Variants in PXK observed in about 807,000 individuals in gnomAD.
The protein encoded by PXK is PX domain-containing protein kinase-like protein.
PXK carries 35 observed loss-of-function variants against 84.7 expected under a neutral mutation model. The observed-to-expected ratio is 0.41, with a 90% CI of 0.32 to 0.55. PXK has a LOEUF of 0.55. PXK is among the 20% of genes least tolerant of loss of function. The pLI, the probability that PXK is intolerant of heterozygous loss-of-function variation, is 0.21. For synonymous variants in PXK, 253 were observed against 260.8 expected, an observed-to-expected ratio of 0.97 and a Z score of 0.29; for missense variants, 634 against 699.7, an observed-to-expected ratio of 0.91 and a Z score of 1.06.
Position 58,384,000 on chromosome 3 carries a change from C to G in PXK, c.388+1300C>G, listed in dbSNP as rs2098529258. Among the ~76,000 whole-genome samples the G allele has an allele frequency of 6.6e-6, 1 of 152,112 alleles. No homozygotes were observed. The highest frequency in any genetic ancestry group is 2.4e-5 in the African/African-American group (1 of 41,412). On this transcript the variant is annotated intron_variant, in intron 4 of 17. Coordinates refer to ENST00000356151, the MANE Select transcript of PXK (RefSeq NM_017771.5). The surrounding 1 kb of genome is among the most constrained non-coding windows in gnomAD (Gnocchi z 4.0). ...ACTTGGCAGGCACCAAGTTTTTCTC[C>G]ACAGTAGAATCACCTGGGGAGCGTT...
At chr3:58,352,406 A>G (rs2097950634) in intron 1 of PXK, among the ~76,000 whole-genome samples, 1 of 152,208 alleles carries the variant, frequency 6.6e-6, no homozygotes, top group African/African-American at 2.4e-5. Flanking sequence ...CCGAGTTTCT[A>G]TGTTGTTGTC....
intron 1 of PXK, among the ~76,000 whole-genome samples, chr3:58,353,682 C>G (rs1287117979): frequency 2.6e-5 from 4 of 152,168 alleles, no homozygotes; most frequent in Non-Finnish European, 5.9e-5. Flanking sequence ...CCTTGCTGTC[C>G]TCTAGGATGA....
intron 3 of PXK, among the ~76,000 whole-genome samples, chr3:58,376,935 C>T (rs544831694): frequency 1.5e-4 from 23 of 152,224 alleles, no homozygotes; most frequent in Admixed American, 5.2e-4. Context: ...CCACTGTGCC[C>T]GGCCTACCCT....
chr3:58,423,550 G>T, intron 17 of PXK: 3 of 1,531,920 alleles, frequency 2.0e-6, no homozygotes, highest in Non-Finnish European at 1.7e-6. Context: ...TTGGTGAAAA[G>T]GATGTACTTA....
rs2060268743 is a variant in PXK, at chr3:58,412,001, A to G, written c.1466-900A>G. Among the ~76,000 whole-genome samples the G allele has an allele frequency of 6.6e-6, 1 of 152,158 alleles. No homozygotes were observed. Among genetic ancestry groups the G allele is most frequent in the Non-Finnish European group, 1.5e-5 (1 of 68,028 alleles). ...AACATGTCCTGTGGGTAGTGAGGGA[A>G]GTGATGGCTGGGGCCTTAACCACAC... On this transcript the variant is annotated intron_variant, in intron 16 of 17. Transcript: ENST00000356151. The surrounding 1 kb of genome is among the most constrained non-coding windows in gnomAD (Gnocchi z 6.2).
Position 58,365,855 on chromosome 3 carries a change from C to T in PXK, c.103-19C>T. Reference sequence around the variant, plus strand: ...ACTCAGTTTTATAACTGAGGTTATTCTTCCCTTCTCTTTTTAAGGAATATA... The same window carrying T: ...ACTCAGTTTTATAACTGAGGTTATTTTTCCCTTCTCTTTTTAAGGAATATA... On this transcript the variant is annotated intron_variant, in intron 1 of 17. Transcript: ENST00000356151. 1 of 1,518,918 alleles carries T rather than the reference C, an allele frequency of 6.6e-7. No individual in the cohort carries two copies. The highest frequency in any genetic ancestry group is 8.8e-7 in the Non-Finnish European group (1 of 1,133,802). The allele number at this position is 1,518,918 out of a possible 1,614,324, so 94.1% of individuals were successfully genotyped here. A position where few individuals can be genotyped will look rare whatever the true frequency, so the allele number is the denominator to read the frequency against.
At chr3:58,344,398 G>A (rs1365296509) in intron 1 of PXK, among the ~76,000 whole-genome samples, 2 of 152,224 alleles carry the variant, frequency 1.3e-5, no homozygotes, top group Non-Finnish European at 2.9e-5. Flanking sequence ...ACACCTCCAA[G>A]AGTAGGTTTC....
rs1003755522 is a variant in PXK at position 58,409,816 on chromosome 3, A to C, written c.1395+198A>C. ...ATGATAATCAGCCGAGAAATAGCCCATGTAGTTTCCTAGCTTGCTGGGCAG... is the reference window on the plus strand; with the variant it reads ...ATGATAATCAGCCGAGAAATAGCCCCTGTAGTTTCCTAGCTTGCTGGGCAG... On this transcript the variant is annotated intron_variant, in intron 15 of 17. Transcript: ENST00000356151. The surrounding 1 kb of genome is among the most constrained non-coding windows in gnomAD (Gnocchi z 4.2). Among the ~76,000 whole-genome samples the C allele has an allele frequency of 1.2e-4, 19 of 152,066 alleles. No homozygotes were observed. The highest frequency in any genetic ancestry group is 4.6e-4 in the African/African-American group (19 of 41,398).
Position 58,398,817 on chromosome 3 carries a change from C to G in PXK, c.1103-482C>G, listed in dbSNP as rs2058126604. ...ACTATATTGTGTTGAATTTGAACCG[C>G]TGAAACTGAACAGTGACCTGTGGGT... On this transcript the variant is annotated intron_variant, in intron 11 of 17. Coordinates refer to ENST00000356151, the MANE Select transcript of PXK (RefSeq NM_017771.5). This position sits in a 1 kb window ranked among gnomAD's most constrained non-coding sequence, Gnocchi z 4.5. Among the ~76,000 whole-genome samples, 1 of 152,194 alleles carries G rather than the reference C, an allele frequency of 6.6e-6. No homozygotes were observed. The highest frequency in any genetic ancestry group is 2.1e-4 in the South Asian group (1 of 4,830).
intron 2 of PXK, 137 bp from the exon 3 acceptor site, chr3:58,369,294 G>C (rs532814694): frequency 1.4e-5 from 8 of 585,312 alleles, no homozygotes; most frequent in East Asian, 5.9e-5. Context: ...TTAAGCACCA[G>C]GTATAAGCCC....
chr3:58,336,400 T>C (rs1015283815), intron 1 of PXK, among the ~76,000 whole-genome samples: 1 of 152,158 alleles, frequency 6.6e-6, no homozygotes, highest in Non-Finnish European at 1.5e-5. Flanking sequence ...CTGATGCTGA[T>C]GCATCATTTT....
At chr3:58,406,451 A>G (rs2107498646) in intron 13 of PXK, among the ~76,000 whole-genome samples, 1 of 150,610 alleles carries the variant, frequency 6.6e-6, no homozygotes, top group African/African-American at 2.4e-5. Flanking sequence ...CTAATTTTTT[A>G]ATTTTTTTGT....
intron 1 of PXK, among the ~76,000 whole-genome samples, chr3:58,355,145 A>AAAG (rs1553755204): frequency 0.088 from 13,098 of 149,348 alleles, 686 homozygotes; most frequent in South Asian, 0.12. Context: ...AAAAAAAAAA[A>AAAG]AGAAAAAACA....
rs570580265 is a variant in PXK, at chr3:58,415,890, C to T, written c.1528+2927C>T. Among the ~76,000 whole-genome samples, 3 of 152,294 alleles carry T rather than the reference C, an allele frequency of 2.0e-5. No homozygotes were observed. The South Asian group carries it at 6.2e-4, about 32-fold the overall frequency. On this transcript the variant is annotated intron_variant, in intron 17 of 17. Coordinates refer to ENST00000356151, the MANE Select transcript of PXK (RefSeq NM_017771.5). ...CACCGAGGTTGCACATTGGTTTAAG[C>T]TTAAAAGGGCGGGACATCTTGGGGG...
At chr3:58,405,768 AT>A (rs2059305566) in intron 13 of PXK, among the ~76,000 whole-genome samples, 2 of 151,084 alleles carry the variant, frequency 1.3e-5, no homozygotes, top group African/African-American at 4.9e-5. Flanking sequence ...ACAGAGTGAG[AT>A]TCTGTCTCAA....
Position 58,391,239 on chromosome 3 carries a change from T to C in PXK, c.540+19T>C. On this transcript the variant is annotated intron_variant, in intron 6 of 17. Coordinates refer to ENST00000356151, the MANE Select transcript of PXK (RefSeq NM_017771.5). ...AAGCTGGGTAAGCTAGCTTTTTGCTTTGGTCTCCTTCAGTGACTTTAGATG... is the reference window on the plus strand; with the variant it reads ...AAGCTGGGTAAGCTAGCTTTTTGCTCTGGTCTCCTTCAGTGACTTTAGATG... 5.6e-6 allele frequency: 9 copies of C among 1,600,952 alleles called. No individual in the cohort carries two copies. In the South Asian group the frequency reaches 8.8e-5, roughly 16 times the overall value.
In PXK at chr3:58,333,046, C is replaced by T; in HGVS notation, c.58C>T (p.Leu20=). 1 of 1,347,256 alleles carries T rather than the reference C, an allele frequency of 7.4e-7. No homozygotes were observed. The highest frequency in any genetic ancestry group is 9.7e-7 in the Non-Finnish European group (1 of 1,035,252). The allele number at this position is 1,347,256 out of a possible 1,614,324, so 83.5% of individuals were successfully genotyped here. Reference sequence around the variant, plus strand: ...GGTGCTGCTGGACGACACGGTGCCGCTGACAGCAGCCATCGAGGCGAGCCA... The same window carrying T: ...GGTGCTGCTGGACGACACGGTGCCGTTGACAGCAGCCATCGAGGCGAGCCA... ...GKVLLDDTVP[L]TAAIEASQSL... is the part of the protein sequence containing the mutation. The change falls in exon 1 of 18, where the codon CTG becomes TTG. Residue 20 remains leucine, a synonymous_variant. Transcript: ENST00000356151. This position sits in a 1 kb window ranked among gnomAD's most constrained non-coding sequence, Gnocchi z 5.4.
chr3:58,424,811 C>T lies in PXK; in HGVS notation c.1588C>T (p.Pro530Ser), dbSNP rs1465744219. ...PPPPPAAPLPPASTEAPAQLS... is the reference protein window; with the variant it reads ...PPPPPAAPLPSASTEAPAQLS... ...ACCACCACCAGCAGCTCCCTTGCCT[C>T]CTGCGAGCACCGAGGCACCTGCCCA... is the stretch of plus-strand genomic sequence containing the variant. Residue 530 changes from proline (P) to serine (S), a missense_variant, in exon 18 of 18, where the codon CCT becomes TCT. Physicochemically the swap from Pro to Ser is moderately conservative, Grantham distance 74. Around this residue, in one of 3 missense-constraint regions of PXK, gnomAD observed 273 missense variants for 283.6 expected, o/e 0.96. Coordinates refer to ENST00000356151, the MANE Select transcript of PXK (RefSeq NM_017771.5). 3 of 1,614,192 alleles carry T rather than the reference C, an allele frequency of 1.9e-6. No individual in the cohort carries two copies. The highest frequency in any genetic ancestry group is 2.2e-5 in the South Asian group (2 of 91,078).
chr3:58,333,335 G>A lies in PXK; in HGVS notation c.102+245G>A, dbSNP rs2097529620. ...CAGCTCCCGGCGCCGCGGGGTGGAA[G>A]GAGCTCGGCGGCGACCAGGAAAGCG... On this transcript the variant is annotated intron_variant, in intron 1 of 17. Transcript: ENST00000356151. This position sits in a 1 kb window ranked among gnomAD's most constrained non-coding sequence, Gnocchi z 5.4. The A allele has an allele frequency of 1.3e-5, 4 of 301,622 alleles. No homozygotes were observed. Among genetic ancestry groups the A allele is most frequent in the Non-Finnish European group, 2.7e-5 (4 of 149,544 alleles). 18.7% of individuals were successfully genotyped at this position (301,622 alleles called of 1,614,324 possible). A position where few individuals can be genotyped will look rare whatever the true frequency, so the allele number is the denominator to read the frequency against.
Sources: gnomAD v4.1 joint callset for allele counts (sites outside exome capture counted in the v4.1 genomes callset) on GRCh38, gnomAD v4.1.1 for gene constraint, gnomAD v4.1.1 regional missense constraint, Gnocchi (gnomAD v3.1) non-coding constraint, MANE v1.5 for transcripts, NCBI Gene and HGNC (gene_info 2026-07-23, HGNC 2026-07-21) for gene names.